The following SHISA6 variants were observed in gnomAD, a reference collection of about 807,000 sequenced individuals.
The protein encoded by SHISA6 is protein shisa-6.
In SHISA6, 22 loss-of-function variants were observed where a neutral mutation model predicts 47.9. The observed-to-expected ratio is 0.46, with a 90% confidence interval of 0.33 to 0.66. The LOEUF (loss-of-function observed/expected upper bound fraction) is 0.66. SHISA6 is among the 30% of genes least tolerant of loss of function. The probability of loss-of-function intolerance (pLI) is 0.02; values close to 1 mark genes in which losing one functional copy is unlikely to be tolerated. For missense variants in SHISA6, 680 were observed against 764.6 expected (o/e 0.89, Z 1.30); for synonymous variants, 388 against 337.8 (o/e 1.15, Z -1.63).
intron 3 of SHISA6, among the ~76,000 whole-genome samples, chr17:11,491,351 C>T (rs566772780): frequency 2.6e-5 from 4 of 151,968 alleles, no homozygotes; most frequent in African/African-American, 7.3e-5. Context: ...ATGCAGTGGG[C>T]GGTGGGAGGG....
rs975114853 is a variant in SHISA6 at position 11,493,217 on chromosome 17, CT to C, written c.896-58670del. 1.9e-4 allele frequency among the ~76,000 whole-genome samples: 29 copies of C among 151,580 alleles called. 1 individual carries two copies. The highest frequency in any genetic ancestry group is 4.4e-4 in the African/African-American group (18 of 41,342). On this transcript the variant is annotated intron_variant, in intron 3 of 5. Coordinates refer to ENST00000441885, the MANE Select transcript of SHISA6 (RefSeq NM_207386.4). ...CTCCTAAAAGGAAATAATGCAACTC[CT>C]TTTTTTTTCTTTTCTTTTTTTCTGT... is the stretch of plus-strand genomic sequence containing the variant.
intron 1 of SHISA6, among the ~76,000 whole-genome samples, chr17:11,253,324 T>C (rs1907886626): frequency 6.6e-6 from 1 of 152,102 alleles, no homozygotes; most frequent in South Asian, 2.1e-4. Context: ...TTTTTTTTTT[T>C]TTCTTTGTCT....
intron 2 of SHISA6, among the ~76,000 whole-genome samples, chr17:11,275,637 A>G (rs1382015163): frequency 2.0e-5 from 3 of 152,196 alleles, no homozygotes; most frequent in Admixed American, 6.5e-5. Flanking sequence ...AGTGATGAGA[A>G]GTGAAATGAA....
At chr17:11,346,968 T>C (rs1448689796) in intron 2 of SHISA6, among the ~76,000 whole-genome samples, 2 of 152,224 alleles carry the variant, frequency 1.3e-5, no homozygotes, top group Non-Finnish European at 2.9e-5. Flanking sequence ...ATGGCATCTT[T>C]CCATTGCATG....
intron 2 of SHISA6, among the ~76,000 whole-genome samples, chr17:11,295,307 A>T (rs1909710480): frequency 6.6e-6 from 1 of 152,232 alleles, no homozygotes; most frequent in Non-Finnish European, 1.5e-5. Context: ...GTATTCATTC[A>T]TTCTACTAAT....
At chr17:11,247,436 C>T (rs1907634259) in intron 1 of SHISA6, among the ~76,000 whole-genome samples, 1 of 152,156 alleles carries the variant, frequency 6.6e-6, no homozygotes, top group Non-Finnish European at 1.5e-5. Flanking sequence ...TGGGAGGTCA[C>T]CACCCTCCTT....
At chr17:11,429,509 C>T (rs1175779747) in intron 3 of SHISA6, among the ~76,000 whole-genome samples, 1 of 151,874 alleles carries the variant, frequency 6.6e-6, no homozygotes, top group Admixed American at 6.6e-5. Flanking sequence ...GGCCAGGCGC[C>T]TTGGCTCTCA....
intron 1 of SHISA6, among the ~76,000 whole-genome samples, chr17:11,255,339 G>A (rs1907966745): frequency 6.6e-6 from 1 of 152,170 alleles, no homozygotes; most frequent in African/African-American, 2.4e-5. Flanking sequence ...AGGGAGGAGG[G>A]AGGAAAGAAG....
chr17:11,347,455 A>G (rs1019329369), intron 2 of SHISA6, among the ~76,000 whole-genome samples: 1 of 152,198 alleles, frequency 6.6e-6, no homozygotes, highest in African/African-American at 2.4e-5. Context: ...TTTCAATTAT[A>G]CCTTTGATAG....
chr17:11,499,679 CTTTCT>C (rs1597553116), intron 3 of SHISA6, among the ~76,000 whole-genome samples: 2 of 131,120 alleles, frequency 1.5e-5, no homozygotes, highest in South Asian at 2.5e-4. Flanking sequence ...TATTCTTTTT[CTTTCT>C]TTTTTTTTTT....
chr17:11,313,593 G>A (rs1338114842), intron 2 of SHISA6, among the ~76,000 whole-genome samples: 1 of 152,170 alleles, frequency 6.6e-6, no homozygotes, highest in African/African-American at 2.4e-5. Context: ...ATTAAAAGGG[G>A]CATCTCTTTT....
chr17:11,365,314 G>C (rs1055877117), intron 2 of SHISA6, among the ~76,000 whole-genome samples: 3 of 152,080 alleles, frequency 2.0e-5, no homozygotes, highest in African/African-American at 7.2e-5. Context: ...GTCTCACTCT[G>C]TTACCCAGGC....
chr17:11,400,047 T>C (rs1266647525), intron 3 of SHISA6, among the ~76,000 whole-genome samples: 2 of 152,204 alleles, frequency 1.3e-5, no homozygotes, highest in East Asian at 3.8e-4. Context: ...TGTATCTTCT[T>C]TTCTACAGAG....
At position 11,317,529 on chromosome 17, in the gene SHISA6, T is replaced by C. The variant is rs141107243; in HGVS notation, c.799+54003T>C. Among the ~76,000 whole-genome samples, 758 of 150,112 alleles carry C rather than the reference T, an allele frequency of 5.0e-3. 9 individuals carry two copies. Among genetic ancestry groups the C allele is most frequent in the African/African-American group, 0.018 (726 of 41,324 alleles). ...AAATACACATATGTATATTTGGTGG[T>C]TGTTTGTTTTTACTTCTTAGGAATC... On this transcript the variant is annotated intron_variant, in intron 2 of 5. Transcript: ENST00000441885.
At chr17:11,509,175 C>T (rs575679794) in intron 3 of SHISA6, among the ~76,000 whole-genome samples, 1 of 152,184 alleles carries the variant, frequency 6.6e-6, no homozygotes, top group Non-Finnish European at 1.5e-5. Flanking sequence ...GCCCAACTCT[C>T]CAGCTCATGG....
At chr17:11,286,003 A>G (rs758548315) in intron 2 of SHISA6, among the ~76,000 whole-genome samples, 2 of 151,994 alleles carry the variant, frequency 1.3e-5, no homozygotes, top group African/African-American at 2.4e-5. Flanking sequence ...CGCCTGGCTA[A>G]TATTTTGTAT....
intron 3 of SHISA6, among the ~76,000 whole-genome samples, chr17:11,447,337 A>G (rs905375253): frequency 1.3e-5 from 2 of 152,036 alleles, no homozygotes; most frequent in African/African-American, 2.4e-5. Context: ...ATGTGAGGCT[A>G]TTGTCGAGTT....
intron 3 of SHISA6, among the ~76,000 whole-genome samples, chr17:11,450,176 A>G (rs1915352958): frequency 1.3e-5 from 2 of 152,072 alleles, no homozygotes; most frequent in African/African-American, 4.8e-5. Context: ...TTGAGCCACC[A>G]TGCCCAGCCG....
rs372315434 is a variant in SHISA6, at chr17:11,383,064, A to G, written c.895+3555A>G. Among the ~76,000 whole-genome samples the G allele has an allele frequency of 2.6e-3, 389 of 151,176 alleles. 2 individuals are homozygous for G. Among genetic ancestry groups the G allele is most frequent in the African/African-American group, 9.1e-3 (373 of 41,136 alleles). ...GCAATTCTTCTGCCTCAGCCTCCCA[A>G]GTAGCTGGGACTACAGGCATGCGCC... On this transcript the variant is annotated intron_variant, in intron 3 of 5. Coordinates refer to ENST00000441885, the MANE Select transcript of SHISA6 (RefSeq NM_207386.4).
Sources: allele counts gnomAD v4.1 joint callset (sites outside exome capture counted in the v4.1 genomes callset), GRCh38; gene constraint gnomAD v4.1.1; transcripts MANE v1.5; gene names NCBI Gene and HGNC (gene_info 2026-07-23, HGNC 2026-07-21).